The following PGCKA1 variants were observed in gnomAD, a reference collection of about 807,000 sequenced individuals.
The protein encoded by PGCKA1 is PDCD10 and GCKIII kinases associated 1, also known as PDCD10 and GCKIII kinases-associated protein 1.
At chr4:37,504,439 A>T in the PGCKA1 span, among the ~76,000 whole-genome samples, 5 of 150,952 alleles carry the variant, frequency 3.3e-5, no homozygotes, top group Admixed American at 6.6e-5. Flanking sequence ...ATAAATTAAA[A>T]TTTTTTTTTT....
chr4:37,589,049 A>G, the PGCKA1 span: 1 of 570,132 alleles, frequency 1.8e-6, no homozygotes. Context: ...TTGTTATAAT[A>G]TCATTTAAAA....
the PGCKA1 span, among the ~76,000 whole-genome samples, chr4:37,553,907 T>C: frequency 1.3e-5 from 2 of 152,190 alleles, no homozygotes; most frequent in Non-Finnish European, 2.9e-5. Flanking sequence ...AGAGGGAACA[T>C]TGTATAAATG....
chr4:37,590,047 G>A, the PGCKA1 span: 1 of 1,437,404 alleles, frequency 7.0e-7, no homozygotes, highest in East Asian at 2.3e-5. Context: ...AAGCATTAAT[G>A]ATGGAGCAGA....
the PGCKA1 span, among the ~76,000 whole-genome samples, chr4:37,493,283 G>A: frequency 6.6e-6 from 1 of 152,122 alleles, no homozygotes; most frequent in Non-Finnish European, 1.5e-5. Context: ...CCAACAACAT[G>A]TAATTATCTG....
the PGCKA1 span, among the ~76,000 whole-genome samples, chr4:37,565,269 A>G: frequency 6.6e-6 from 1 of 152,178 alleles, no homozygotes; most frequent in Admixed American, 6.5e-5. Flanking sequence ...TTAATTTTAT[A>G]TAACAAATAA....
the PGCKA1 span, among the ~76,000 whole-genome samples, chr4:37,525,144 T>C: frequency 1.8e-4 from 28 of 152,300 alleles, no homozygotes; most frequent in Admixed American, 1.2e-3. Context: ...GGGTCAGTAA[T>C]GCAGAGGAGG....
chr4:37,584,862 C>T, the PGCKA1 span, among the ~76,000 whole-genome samples: 1 of 151,996 alleles, frequency 6.6e-6, no homozygotes, highest in Non-Finnish European at 1.5e-5. Flanking sequence ...CCCCTGTACA[C>T]CTCTTGAATT....
At chr4:37,537,580 CT>C in the PGCKA1 span, among the ~76,000 whole-genome samples, 3 of 152,198 alleles carry the variant, frequency 2.0e-5, no homozygotes, top group South Asian at 6.2e-4. Context: ...AGAACATTAC[CT>C]TTCTTCAGTC....
chr4:37,500,984 C>T, the PGCKA1 span, among the ~76,000 whole-genome samples: 21 of 152,034 alleles, frequency 1.4e-4, no homozygotes, highest in Non-Finnish European at 2.6e-4. Flanking sequence ...TTCTCCATCC[C>T]TTTATTTTGA....
chr4:37,551,849 A>G, the PGCKA1 span, among the ~76,000 whole-genome samples: 1 of 152,236 alleles, frequency 6.6e-6, no homozygotes, highest in African/African-American at 2.4e-5. Flanking sequence ...CTTCATCGCT[A>G]CCTTAGTTCA....
chr4:37,588,068 A>T, the PGCKA1 span: 1,704 of 152,390 alleles, frequency 0.011, 23 homozygotes, highest in Middle Eastern at 0.037. Flanking sequence ...CTGAGGAAGG[A>T]AGAGGCCAAC....
chr4:37,480,385 T>C, the PGCKA1 span, among the ~76,000 whole-genome samples: 13 of 152,156 alleles, frequency 8.5e-5, no homozygotes. Flanking sequence ...CCCAGTTACC[T>C]GGGAGACTGA....
the PGCKA1 span, among the ~76,000 whole-genome samples, chr4:37,576,211 C>A: frequency 6.6e-6 from 1 of 152,084 alleles, no homozygotes; most frequent in African/African-American, 2.4e-5. Context: ...TTCTTCCAAT[C>A]CATAATCATG....
the PGCKA1 span, among the ~76,000 whole-genome samples, chr4:37,479,173 T>G: frequency 6.6e-6 from 1 of 152,230 alleles, no homozygotes; most frequent in Non-Finnish European, 1.5e-5. Context: ...TTTCTGGGTT[T>G]GAAAGTTTTC....
At chr4:37,460,589 T>C in the PGCKA1 span, 1 of 453,902 alleles carries the variant, frequency 2.2e-6, no homozygotes, top group Non-Finnish European at 4.4e-6. Context: ...TAATGATCAG[T>C]GATGAGCTTT....
the PGCKA1 span, among the ~76,000 whole-genome samples, chr4:37,496,980 G>A: frequency 2.6e-5 from 4 of 152,050 alleles, no homozygotes; most frequent in African/African-American, 9.6e-5. Flanking sequence ...GTGGTATTTG[G>A]TTACATGAGT....
chr4:37,569,882 T>G, the PGCKA1 span, among the ~76,000 whole-genome samples: 1 of 151,942 alleles, frequency 6.6e-6, no homozygotes, highest in African/African-American at 2.4e-5. Context: ...AAGCCAGCGC[T>G]AGACCATGCT....
chr4:37,565,001 T>C, the PGCKA1 span, among the ~76,000 whole-genome samples: 1 of 147,008 alleles, frequency 6.8e-6, no homozygotes, highest in Non-Finnish European at 1.5e-5. Context: ...CACACTAGTC[T>C]TTATTCATTA....
the PGCKA1 span, among the ~76,000 whole-genome samples, chr4:37,509,974 C>T: frequency 3.7e-4 from 44 of 118,406 alleles, no homozygotes; most frequent in Middle Eastern, 4.2e-3. Context: ...AGCGGGAGAC[C>T]GTGGGAGAGG....
Sources: gnomAD v4.1 joint callset for allele counts (sites outside exome capture counted in the v4.1 genomes callset) on GRCh38, gnomAD v4.1.1 for gene constraint, MANE v1.5 for transcripts, NCBI Gene and HGNC (gene_info 2026-07-23, HGNC 2026-07-21) for gene names.